Variants in BICD2 observed in about 807,000 individuals in gnomAD.
BICD2 encodes the protein BICD cargo adaptor 2.
In BICD2, 25 loss-of-function variants were observed where a neutral mutation model predicts 72.9. The observed-to-expected ratio is 0.34, with a 90% CI of 0.25 to 0.48. BICD2 has a LOEUF of 0.48. Among genes scored for constraint, BICD2 ranks in the 20% least tolerant of loss-of-function variants. The probability of loss-of-function intolerance (pLI) is 0.99; values close to 1 mark genes in which losing one functional copy is unlikely to be tolerated. For synonymous variants in BICD2, 501 were observed against 516.1 expected (o/e 0.97, Z 0.40); for missense variants, 894 against 1,175.2 (o/e 0.76, Z 3.50).
rs921619761 is a variant in BICD2, at chr9:92,715,463, C to T, written c.2259G>A (p.Arg753=). Residue 753 remains arginine (R), a splice_region_variant and synonymous_variant, in exon 7 of 7, where the codon AGG becomes AGA. Coordinates refer to ENST00000356884, the MANE Select transcript of BICD2 (RefSeq NM_001003800.2). The part of the protein sequence containing the change: ...FSSLRAMFAT[R]CDEYITQLDE... Reference sequence around the variant, plus strand: ...CCAGCTGTGTAATGTACTCGTCACACCTGTGGGTACCAAAAACATGACTGA... The same window carrying T: ...CCAGCTGTGTAATGTACTCGTCACATCTGTGGGTACCAAAAACATGACTGA... 3 of 1,573,780 alleles carry T rather than the reference C, an allele frequency of 1.9e-6. No individual in the cohort carries two copies. In the African/African-American group the frequency reaches 4.0e-5, roughly 21 times the overall value.
In BICD2 at chr9:92,719,434, T is replaced by C. The variant is rs754667036; in HGVS notation, c.1211A>G (p.Lys404Arg). Residue 404 changes from lysine to arginine, a missense_variant, in exon 5 of 7, where the codon AAG becomes AGG. By Grantham distance (26) the Lys-to-Arg change is conservative. This residue lies in a region of BICD2 where 371 missense variants were observed against 439.1 expected (regional missense o/e 0.84). Transcript: ENST00000356884. ...GTTGTCCAGGGCTGTCTGCCGCTCC[T>C]TGCTGGCCTGCAGGCGCCGCAGGGC... is the stretch of plus-strand genomic sequence containing the variant. ...LSALRRLQAS[K>R]ERQTALDNEK... The C allele has an allele frequency of 1.4e-5, 22 of 1,614,166 alleles. No individual in the cohort carries two copies. In the East Asian group the frequency reaches 2.7e-4, roughly 20 times the overall value.
At chr9:92,732,350 T>C (rs1161499273) in intron 1 of BICD2, among the ~76,000 whole-genome samples, 1 of 152,114 alleles carries the variant, frequency 6.6e-6, no homozygotes, top group Non-Finnish European at 1.5e-5. Flanking sequence ...AGAAGCCTTA[T>C]GTAAGGAGTA....
chr9:92,722,952 G>A, intron 2 of BICD2, 144 bp from the exon 3 acceptor site: 1 of 1,001,022 alleles, frequency 1.0e-6, no homozygotes, highest in South Asian at 1.5e-5. Flanking sequence ...TGCCTGGAGA[G>A]GAGAGGGAGC....
At chr9:92,727,353 A>C (rs1015860383) in intron 2 of BICD2, among the ~76,000 whole-genome samples, 3 of 152,220 alleles carry the variant, frequency 2.0e-5, no homozygotes, top group African/African-American at 7.2e-5. Flanking sequence ...ACAAGGGTCC[A>C]TAAGTGCTCC....
intron 1 of BICD2, among the ~76,000 whole-genome samples, chr9:92,734,221 A>G (rs1853731957): frequency 6.6e-6 from 1 of 152,142 alleles, no homozygotes; most frequent in Non-Finnish European, 1.5e-5. Flanking sequence ...AGAAGTTAGC[A>G]TAGTTGGCAG....
At chr9:92,754,324 C>T (rs1272234672) in intron 1 of BICD2, among the ~76,000 whole-genome samples, 1 of 152,118 alleles carries the variant, frequency 6.6e-6, no homozygotes, top group Non-Finnish European at 1.5e-5. Flanking sequence ...CCTGTGTATC[C>T]TCACATAGCT....
chr9:92,761,984 C>A (rs572336875), intron 1 of BICD2, among the ~76,000 whole-genome samples: 26 of 152,308 alleles, frequency 1.7e-4, no homozygotes, highest in East Asian at 1.2e-3. Flanking sequence ...TCCCATTCAT[C>A]ACCACAAGAC....
chr9:92,719,268 C>T lies in BICD2; in HGVS notation c.1377G>A (p.Thr459=), dbSNP rs768159358. Residue 459 remains threonine (T), a synonymous_variant, in exon 5 of 7, where the codon ACG becomes ACA. Coordinates refer to ENST00000356884, the MANE Select transcript of BICD2 (RefSeq NM_001003800.2). ...CGTGCTGGGCCTCACGAGCCTCGTG[C>T]GTGCTGCGCAGTGCCTTGAGCTGCT... ...LREQLKALRS[T]HEAREAQHAE... The T allele has an allele frequency of 1.8e-5, 29 of 1,613,514 alleles. No individual in the cohort carries two copies. Among genetic ancestry groups the T allele is most frequent in the African/African-American group, 2.7e-5 (2 of 74,946 alleles).
chr9:92,720,470 C>T lies in BICD2; in HGVS notation c.892G>A (p.Ala298Thr). The T allele has an allele frequency of 6.2e-7, 1 of 1,614,198 alleles. No individual in the cohort carries two copies. Residue 298 changes from alanine to threonine, a missense_variant, in exon 4 of 7, where the codon GCC becomes ACC. By Grantham distance (58) the Ala-to-Thr change is moderately conservative. Coordinates refer to ENST00000356884, the MANE Select transcript of BICD2 (RefSeq NM_001003800.2). The surrounding 1 kb of genome is among the most constrained non-coding windows in gnomAD (Gnocchi z 5.4). ...CCGTGCTCAAAGCCATTGACCAGGG[C>T]CTCGGCATCGTTGTTGGGCTCGGCA... The part of the protein sequence containing the change: ...DAAEPNNDAE[A>T]LVNGFEHGGL...
At chr9:92,724,801 C>T (rs1032795470) in intron 2 of BICD2, among the ~76,000 whole-genome samples, 5 of 152,214 alleles carry the variant, frequency 3.3e-5, no homozygotes, top group Non-Finnish European at 5.9e-5. Context: ...CACACCCAGG[C>T]TCTCCACACC....
intron 5 of BICD2, among the ~76,000 whole-genome samples, chr9:92,718,306 C>T (rs1373273373): frequency 1.3e-5 from 2 of 152,252 alleles, no homozygotes; most frequent in Non-Finnish European, 2.9e-5. Context: ...CGGCATTTCT[C>T]ACTGGCTGAG....
At chr9:92,757,312 CAAAAAAAAAAAAA>C (rs1169381290) in intron 1 of BICD2, among the ~76,000 whole-genome samples, 12 of 52,738 alleles carry the variant, frequency 2.3e-4, no homozygotes, top group South Asian at 1.1e-3. Context: ...AGACTGTCTC[CAAAAAAAAAAAAA>C]AAAAAAAAAA....
At chr9:92,738,123 GC>G (rs1853825934) in intron 1 of BICD2, among the ~76,000 whole-genome samples, 2 of 152,212 alleles carry the variant, frequency 1.3e-5, no homozygotes, top group Admixed American at 1.3e-4. Context: ...TCCTGGCTCT[GC>G]CACTGGTCAG....
At chr9:92,754,038 G>A (rs1402415953) in intron 1 of BICD2, among the ~76,000 whole-genome samples, 4 of 151,596 alleles carry the variant, frequency 2.6e-5, no homozygotes, top group Non-Finnish European at 4.4e-5. Flanking sequence ...GGAGCTACTC[G>A]GGAGGCTGAG....
At position 92,714,355 on chromosome 9, in the gene BICD2, G is replaced by A; in HGVS notation, c.*799C>T. 3 of 985,480 alleles carry A rather than the reference G, an allele frequency of 3.0e-6. No homozygotes were observed. Among genetic ancestry groups the A allele is most frequent in the Non-Finnish European group, 3.6e-6 (3 of 829,946 alleles). The allele number at this position is 985,480 out of a possible 1,614,324, so 61.0% of individuals were successfully genotyped here. A position where few individuals can be genotyped will look rare whatever the true frequency, so the allele number is the denominator to read the frequency against. On this transcript the variant is annotated 3_prime_UTR_variant, in exon 7 of 7. Coordinates refer to ENST00000356884, the MANE Select transcript of BICD2 (RefSeq NM_001003800.2). ...TACAAAAGGACGGGCTCTGCACTAA[G>A]GACCAAGGTCTGGCCAGGCACTTGG...
chr9:92,728,363 C>T (rs2131509698), intron 2 of BICD2, among the ~76,000 whole-genome samples: 1 of 152,350 alleles, frequency 6.6e-6, no homozygotes, highest in African/African-American at 2.4e-5. Flanking sequence ...CATGGACGGA[C>T]ACCACAGTCC....
rs1853197597 is a variant in BICD2, at chr9:92,711,664, T to C, written c.*3490A>G. 1.3e-5 allele frequency: 2 copies of C among 152,448 alleles called. No individual in the cohort carries two copies. The highest frequency in any genetic ancestry group is 2.9e-5 in the Non-Finnish European group (2 of 67,994). 9.4% of individuals were successfully genotyped at this position (152,448 alleles called of 1,614,324 possible). A position where few individuals can be genotyped will look rare whatever the true frequency, so the allele number is the denominator to read the frequency against. ...ACACTAAGGTAATGCACAGAAAAAA[T>C]ACAGTACTCAGACATCATTGCAAAT... On this transcript the variant is annotated 3_prime_UTR_variant, in exon 7 of 7. Transcript: ENST00000356884.
chr9:92,725,400 C>T (rs1168192230), intron 2 of BICD2, among the ~76,000 whole-genome samples: 1 of 152,270 alleles, frequency 6.6e-6, no homozygotes, highest in African/African-American at 2.4e-5. Context: ...CATGCCCACA[C>T]TACTGGGCGT....
At chr9:92,754,952 T>A (rs1418505136) in intron 1 of BICD2, among the ~76,000 whole-genome samples, 12 of 152,224 alleles carry the variant, frequency 7.9e-5, no homozygotes, top group Non-Finnish European at 1.8e-4. Context: ...ATAACAGCAA[T>A]TGTTCAGGGA....
Sources: gnomAD v4.1 joint callset for allele counts (sites outside exome capture counted in the v4.1 genomes callset) on GRCh38, gnomAD v4.1.1 for gene constraint, gnomAD v4.1.1 regional missense constraint, Gnocchi (gnomAD v3.1) non-coding constraint, MANE v1.5 for transcripts, NCBI Gene and HGNC (gene_info 2026-07-23, HGNC 2026-07-21) for gene names.